SNTG2: variants seen among roughly 807,000 people sequenced by gnomAD.
SNTG2 encodes the protein syntrophin gamma 2, also known as gamma-2-syntrophin.
A neutral mutation model predicts 70.9 loss-of-function variants in SNTG2; 74 were observed. That is an observed-to-expected ratio of 1.04 (90% CI 0.86 to 1.27). The LOEUF (loss-of-function observed/expected upper bound fraction) is 1.27. SNTG2 is among the 50% of genes most tolerant of loss of function. The pLI is 0.00. For missense variants in SNTG2, 717 were observed against 690.7 expected (o/e 1.04, Z -0.43); for synonymous variants, 278 against 273.8 (o/e 1.02, Z -0.15).
chr2:1,203,748 A>G (rs1013842733), intron 8 of SNTG2, among the ~76,000 whole-genome samples: 1 of 151,602 alleles, frequency 6.6e-6, no homozygotes, highest in Non-Finnish European at 1.5e-5. Context: ...ATATGGACCA[A>G]TAGCCCTCAT....
chr2:1,300,692 G>T (rs1680423957), intron 14 of SNTG2, among the ~76,000 whole-genome samples: 1 of 152,028 alleles, frequency 6.6e-6, no homozygotes, highest in Non-Finnish European at 1.5e-5. Flanking sequence ...ATTAATTCCA[G>T]CTCTTCATTT....
At chr2:965,511 G>A (rs1310646045) in intron 1 of SNTG2, among the ~76,000 whole-genome samples, 1 of 143,876 alleles carries the variant, frequency 7.0e-6, no homozygotes, top group Non-Finnish European at 1.5e-5. Context: ...TCTTCTTCAG[G>A]GTCCCCTCCT....
intron 6 of SNTG2, among the ~76,000 whole-genome samples, chr2:1,156,765 C>A (rs1023739347): frequency 1.3e-5 from 2 of 152,044 alleles, no homozygotes; most frequent in Non-Finnish European, 2.9e-5. Context: ...TCATTTGAGA[C>A]GTGGGTGGCT....
At chr2:963,256 G>A (rs6724299) in intron 1 of SNTG2, among the ~76,000 whole-genome samples, 65,983 of 151,874 alleles carry the variant, frequency 0.43, 14,829 homozygotes, top group Middle Eastern at 0.55. Context: ...AATATGCTAC[G>A]TAAAAATTGA....
intron 1 of SNTG2, among the ~76,000 whole-genome samples, chr2:1,045,787 T>G (rs1232780591): frequency 2.0e-5 from 3 of 152,318 alleles, no homozygotes; most frequent in Non-Finnish European, 4.4e-5. Context: ...GAGAATTGCC[T>G]TAAGGCTGAG....
intron 1 of SNTG2, among the ~76,000 whole-genome samples, chr2:980,487 A>G (rs534837223): frequency 6.6e-6 from 1 of 152,350 alleles, no homozygotes; most frequent in South Asian, 2.1e-4. Context: ...TTTGGATGAC[A>G]ACATTCACGT....
Position 1,165,597 on chromosome 2 carries a change from A to G in SNTG2, c.461A>G (p.Tyr154Cys), listed in dbSNP as rs764914856. The stretch of plus-strand genomic sequence containing the variant: ...GATGAAGTTACCATCACCGTTGAGT[A>G]TCTCAGGGAAGCGCCGGCATTTCTG... ...AGDEVTITVE[Y>C]LREAPAFLKL... Residue 154 changes from tyrosine to cysteine, a missense_variant, in exon 7 of 17, where the codon TAT becomes TGT. Coordinates refer to ENST00000308624, the MANE Select transcript of SNTG2 (RefSeq NM_018968.4). 5.0e-6 allele frequency: 8 copies of G among 1,613,090 alleles called. No homozygotes were observed. The highest frequency in any genetic ancestry group is 6.8e-6 in the Non-Finnish European group (8 of 1,179,656).
intron 4 of SNTG2, among the ~76,000 whole-genome samples, chr2:1,131,431 T>A (rs1036414842): frequency 5.9e-5 from 9 of 152,126 alleles, no homozygotes; most frequent in Non-Finnish European, 1.0e-4. Context: ...GGCAAATCCA[T>A]TTGACTTCCA....
intron 9 of SNTG2, among the ~76,000 whole-genome samples, chr2:1,226,686 C>T (rs1164687567): frequency 2.0e-5 from 3 of 152,022 alleles, no homozygotes. Flanking sequence ...TCTTAATTTT[C>T]TTCAGCTATA....
intron 8 of SNTG2, among the ~76,000 whole-genome samples, chr2:1,197,515 ATGTGTGTG>A (rs71299845): frequency 1.7e-4 from 22 of 128,366 alleles, no homozygotes; most frequent in African/African-American, 4.6e-4. Context: ...ATGTATATAT[ATGTGTGTG>A]TGTGTGTGTG....
chr2:954,545 C>T (rs1255837032), intron 1 of SNTG2, among the ~76,000 whole-genome samples: 3 of 152,140 alleles, frequency 2.0e-5, no homozygotes, highest in African/African-American at 7.2e-5. Context: ...GAATAGTCGA[C>T]TTTGGATTAT....
At chr2:1,295,649 C>T (rs115760757) in intron 14 of SNTG2, among the ~76,000 whole-genome samples, 1,769 of 114,160 alleles carry the variant, frequency 0.015, 29 homozygotes, top group African/African-American at 0.056. Flanking sequence ...TGTTGGGGTA[C>T]GAGGGTCAGG....
intron 2 of SNTG2, among the ~76,000 whole-genome samples, chr2:1,095,183 T>G (rs1665312886): frequency 6.6e-6 from 1 of 152,198 alleles, no homozygotes; most frequent in African/African-American, 2.4e-5. Flanking sequence ...TCATCTGACC[T>G]TAGTTACCTC....
At chr2:1,332,927 T>C (rs954546640) in intron 16 of SNTG2, among the ~76,000 whole-genome samples, 4 of 152,170 alleles carry the variant, frequency 2.6e-5, no homozygotes, top group African/African-American at 7.2e-5. Context: ...ACCACTTCTA[T>C]TCACCATAGT....
chr2:1,009,195 G>T (rs533664175), intron 1 of SNTG2, among the ~76,000 whole-genome samples: 2 of 99,808 alleles, frequency 2.0e-5, no homozygotes, highest in East Asian at 4.5e-4. Flanking sequence ...ACTGGTGTGG[G>T]TCGTGTGTAT....
chr2:1,113,780 G>T (rs1382124978), intron 4 of SNTG2, among the ~76,000 whole-genome samples: 2 of 151,604 alleles, frequency 1.3e-5, no homozygotes, highest in Non-Finnish European at 2.9e-5. Context: ...AACACTTACA[G>T]TCCTGTGAGG....
chr2:1,109,194 C>G (rs1301851430), intron 4 of SNTG2, among the ~76,000 whole-genome samples: 1 of 151,764 alleles, frequency 6.6e-6, no homozygotes, highest in Non-Finnish European at 1.5e-5. Context: ...TCCCCTAAGC[C>G]CCTTTTATTC....
At chr2:1,327,675 CA>C (rs1289879707) in intron 16 of SNTG2, among the ~76,000 whole-genome samples, 1 of 152,062 alleles carries the variant, frequency 6.6e-6, no homozygotes, top group Non-Finnish European at 1.5e-5. Flanking sequence ...ATCGTAAAAG[CA>C]AGAACCTTAA....
chr2:1,162,313 A>G (rs549960043), intron 6 of SNTG2, among the ~76,000 whole-genome samples: 3 of 152,156 alleles, frequency 2.0e-5, no homozygotes, highest in African/African-American at 4.8e-5. Context: ...ACACACCTCA[A>G]TGATTTCCAA....
Sources: gnomAD v4.1 joint callset for allele counts (sites outside exome capture counted in the v4.1 genomes callset) on GRCh38, gnomAD v4.1.1 for gene constraint, MANE v1.5 for transcripts, NCBI Gene and HGNC (gene_info 2026-07-23, HGNC 2026-07-21) for gene names.